Variants in NDUFAF2 observed in about 807,000 individuals in gnomAD.
NDUFAF2 encodes the protein NADH:ubiquinone oxidoreductase complex assembly factor 2.
Under a neutral mutation model 22.8 loss-of-function variants are expected in NDUFAF2, and 13 were observed. The observed-to-expected ratio is 0.57, with a 90% CI of 0.37 to 0.91. The LOEUF (loss-of-function observed/expected upper bound fraction) is 0.91, where lower values mean the gene tolerates loss of function less well. Ranked by LOEUF, NDUFAF2 falls within the 40% of genes least tolerant of loss-of-function variation. The pLI, the probability that NDUFAF2 is intolerant of heterozygous loss-of-function variation, is 0.01. For missense variants in NDUFAF2, 162 were observed against 195.2 expected (o/e 0.83, Z 1.01); for synonymous variants, 53 against 64.2 (o/e 0.83, Z 0.84).
chr5:61,150,781 G>A (rs1432293371), intron 3 of NDUFAF2, among the ~76,000 whole-genome samples: 2 of 152,244 alleles, frequency 1.3e-5, no homozygotes, highest in East Asian at 3.9e-4. Context: ...CCGCTCCAAA[G>A]AACGAACTTC....
At chr5:61,130,595 C>T (rs750014598) in intron 3 of NDUFAF2, among the ~76,000 whole-genome samples, 3 of 151,978 alleles carry the variant, frequency 2.0e-5, no homozygotes, top group Non-Finnish European at 4.4e-5. Flanking sequence ...TGTGTTTTTT[C>T]GGAGAAGGAG....
At chr5:61,147,374 G>A (rs895195712) in intron 3 of NDUFAF2, among the ~76,000 whole-genome samples, 16 of 149,124 alleles carry the variant, frequency 1.1e-4, no homozygotes, top group Admixed American at 2.7e-4. Flanking sequence ...TCAGCCTCCC[G>A]AGTAGCTGGG....
At chr5:60,972,123 A>C (rs752810789) in intron 1 of NDUFAF2, among the ~76,000 whole-genome samples, 32 of 151,290 alleles carry the variant, frequency 2.1e-4, no homozygotes, top group Non-Finnish European at 4.4e-4. Flanking sequence ...TTGTATTTTT[A>C]GTAGAGATGG....
Position 61,145,541 on chromosome 5 carries a change from T to A in NDUFAF2, c.259-7163T>A, listed in dbSNP as rs189884675. 2.4e-3 allele frequency among the ~76,000 whole-genome samples: 365 copies of A among 152,254 alleles called. 2 individuals carry two copies. Among genetic ancestry groups the A allele is most frequent in the African/African-American group, 8.5e-3 (352 of 41,540 alleles). On this transcript the variant is annotated intron_variant, in intron 3 of 3. Coordinates refer to ENST00000296597, the MANE Select transcript of NDUFAF2 (RefSeq NM_174889.5). ...GCACTATTAAGGCATTCAAAGGATTTGGGGATACTTAACTGGTAAGTAAAA... is the reference window on the plus strand; with the variant it reads ...GCACTATTAAGGCATTCAAAGGATTAGGGGATACTTAACTGGTAAGTAAAA...
chr5:60,988,403 A>G (rs548704380), intron 1 of NDUFAF2, among the ~76,000 whole-genome samples: 1 of 152,260 alleles, frequency 6.6e-6, no homozygotes, highest in African/African-American at 2.4e-5. Flanking sequence ...TACCAATAGC[A>G]TTATTCACAG....
chr5:61,066,514 A>G (rs1280817417), intron 1 of NDUFAF2, among the ~76,000 whole-genome samples: 1 of 152,086 alleles, frequency 6.6e-6, no homozygotes, highest in Admixed American at 6.6e-5. Context: ...ACAGTACGGT[A>G]CTGGCATAAT....
intron 1 of NDUFAF2, among the ~76,000 whole-genome samples, chr5:60,982,154 T>G (rs1750992337): frequency 6.6e-6 from 1 of 152,098 alleles, no homozygotes; most frequent in Non-Finnish European, 1.5e-5. Flanking sequence ...AGCAAAGAAG[T>G]AAATGAAAAG....
chr5:60,989,950 A>G (rs538599798), intron 1 of NDUFAF2, among the ~76,000 whole-genome samples: 1 of 152,238 alleles, frequency 6.6e-6, no homozygotes, highest in South Asian at 2.1e-4. Flanking sequence ...TACATATATA[A>G]AATGGAGTAC....
At chr5:60,973,233 A>G (rs774025271) in intron 1 of NDUFAF2, among the ~76,000 whole-genome samples, 1 of 152,144 alleles carries the variant, frequency 6.6e-6, no homozygotes, top group Non-Finnish European at 1.5e-5. Flanking sequence ...TAGATTCCTC[A>G]AGAAGTGTTC....
intron 1 of NDUFAF2, among the ~76,000 whole-genome samples, chr5:60,959,496 T>C (rs1236009001): frequency 2.0e-5 from 3 of 152,068 alleles, no homozygotes; most frequent in African/African-American, 7.2e-5. Context: ...TTTTGAAGAA[T>C]GGATAAAAAA....
intron 1 of NDUFAF2, among the ~76,000 whole-genome samples, chr5:61,059,637 T>C (rs1752140072): frequency 2.6e-5 from 4 of 152,090 alleles, no homozygotes; most frequent in African/African-American, 9.6e-5. Flanking sequence ...TGATATAATA[T>C]TGGATTTTCT....
At chr5:61,012,029 CAATT>C (rs755751977) in intron 1 of NDUFAF2, among the ~76,000 whole-genome samples, 27 of 152,148 alleles carry the variant, frequency 1.8e-4, no homozygotes, top group Non-Finnish European at 3.5e-4. Context: ...TTTCACAACT[CAATT>C]AACGTCTTTA....
intron 1 of NDUFAF2, among the ~76,000 whole-genome samples, chr5:60,967,271 CTTG>C (rs1036881054): frequency 1.3e-5 from 2 of 151,888 alleles, no homozygotes; most frequent in Admixed American, 1.3e-4. Context: ...AATATAACAT[CTTG>C]TTGTCTGTTA....
intron 1 of NDUFAF2, among the ~76,000 whole-genome samples, chr5:61,032,196 A>G (rs2112610232): frequency 6.6e-6 from 1 of 152,210 alleles, no homozygotes; most frequent in African/African-American, 2.4e-5. Flanking sequence ...TGCTGATGAT[A>G]GTTTCCTTTG....
At chr5:61,076,219 C>T (rs1334114040) in intron 2 of NDUFAF2, among the ~76,000 whole-genome samples, 4 of 151,980 alleles carry the variant, frequency 2.6e-5, no homozygotes, top group African/African-American at 4.8e-5. Context: ...TACAGGTGCC[C>T]GCCACCACGC....
In NDUFAF2 at chr5:61,107,044, T is replaced by TACACACACACACACACACACAC. The variant is rs71578646; in HGVS notation, c.258+8013_258+8014insCACACACACACACACACACACA. On this transcript the variant is annotated intron_variant, in intron 3 of 3. Coordinates refer to ENST00000296597, the MANE Select transcript of NDUFAF2 (RefSeq NM_174889.5). ...TCTGATTTCCTTTCCTTTGGATAAA[T>TACACACACACACACACACACAC]ATACACACACACACACACACACACA... 1.8e-3 allele frequency among the ~76,000 whole-genome samples: 119 copies of TACACACACACACACACACACAC among 64,776 alleles called. 1 individual carries two copies. The highest frequency in any genetic ancestry group is 2.3e-3 in the Non-Finnish European group (77 of 33,736). 42.5% of individuals were successfully genotyped at this position (64,776 alleles called of 152,430 possible).
At chr5:60,948,467 C>T (rs185601317) in intron 1 of NDUFAF2, among the ~76,000 whole-genome samples, 1 of 152,056 alleles carries the variant, frequency 6.6e-6, no homozygotes, top group Non-Finnish European at 1.5e-5. Context: ...CTGCCTCGGC[C>T]TCCCAAAGTG....
chr5:60,950,217 G>A (rs532159526), intron 1 of NDUFAF2, among the ~76,000 whole-genome samples: 17 of 151,724 alleles, frequency 1.1e-4, no homozygotes, highest in Non-Finnish European at 1.5e-4. Context: ...GTGGAATTTC[G>A]CTCTCGTTGC....
chr5:60,974,591 A>T (rs913241423), intron 1 of NDUFAF2, among the ~76,000 whole-genome samples: 2 of 151,852 alleles, frequency 1.3e-5, no homozygotes, highest in African/African-American at 4.8e-5. Context: ...GAGCTCAGGT[A>T]ATCCACCCTC....
Sources: allele counts gnomAD v4.1 joint callset (sites outside exome capture counted in the v4.1 genomes callset), GRCh38; gene constraint gnomAD v4.1.1; transcripts MANE v1.5; gene names NCBI Gene and HGNC (gene_info 2026-07-23, HGNC 2026-07-21).